SLC24A2: variants seen among roughly 807,000 people sequenced by gnomAD.
SLC24A2 encodes the protein solute carrier family 24 member 2, also known as sodium/potassium/calcium exchanger 2.
SLC24A2 carries 36 observed loss-of-function variants against 62.0 expected under a neutral mutation model. The observed-to-expected ratio is 0.58, with a 90% CI of 0.44 to 0.77. The LOEUF is 0.77. Among genes scored for constraint, SLC24A2 ranks in the 30% least tolerant of loss-of-function variants. The pLI, the probability that SLC24A2 is intolerant of heterozygous loss-of-function variation, is 0.00. For synonymous variants in SLC24A2, 358 were observed against 294.0 expected, an observed-to-expected ratio of 1.22 and a Z score of -2.23; for missense variants, 846 against 817.9, an observed-to-expected ratio of 1.03 and a Z score of -0.42.
At chr9:19,566,194 G>T (rs1835642022) in intron 7 of SLC24A2, among the ~76,000 whole-genome samples, 1 of 150,850 alleles carries the variant, frequency 6.6e-6, no homozygotes, top group South Asian at 2.1e-4. Flanking sequence ...CAGAATGGGA[G>T]AAAATTTTTG....
At chr9:19,744,321 C>T (rs1228024686) in intron 2 of SLC24A2, among the ~76,000 whole-genome samples, 1 of 152,200 alleles carries the variant, frequency 6.6e-6, no homozygotes, top group Non-Finnish European at 1.5e-5. Flanking sequence ...ACCTCTCGCA[C>T]TGTGTGCTTG....
chr9:19,608,702 C>T (rs995078528), intron 4 of SLC24A2, among the ~76,000 whole-genome samples: 2 of 151,852 alleles, frequency 1.3e-5, no homozygotes, highest in Non-Finnish European at 2.9e-5. Context: ...TACAAAAGTT[C>T]CACTTTCTTG....
chr9:19,715,589 C>T (rs1005338420), intron 2 of SLC24A2, among the ~76,000 whole-genome samples: 2 of 152,154 alleles, frequency 1.3e-5, no homozygotes, highest in African/African-American at 4.8e-5. Context: ...CAAGACCACT[C>T]CCTGTAGGCA....
chr9:19,735,395 T>G (rs1224103756), intron 2 of SLC24A2, among the ~76,000 whole-genome samples: 1 of 152,048 alleles, frequency 6.6e-6, no homozygotes, highest in Non-Finnish European at 1.5e-5. Flanking sequence ...AGGAACACTT[T>G]CACACTGTTG....
chr9:19,546,378 C>G (rs902317548), intron 8 of SLC24A2, among the ~76,000 whole-genome samples: 1 of 152,008 alleles, frequency 6.6e-6, no homozygotes. Flanking sequence ...TTCAGTGATG[C>G]CCTTGCCAGA....
the SLC24A2 span, among the ~76,000 whole-genome samples, chr9:20,209,492 C>G: frequency 6.6e-6 from 1 of 152,148 alleles, no homozygotes; most frequent in East Asian, 1.9e-4. Flanking sequence ...CCCGAATTTG[C>G]CAACTGCTTC....
the SLC24A2 span, among the ~76,000 whole-genome samples, chr9:20,247,044 G>A: frequency 3.3e-5 from 5 of 152,188 alleles, no homozygotes; most frequent in African/African-American, 1.2e-4. Context: ...TAACATGTGA[G>A]ACCACTTATA....
the SLC24A2 span, among the ~76,000 whole-genome samples, chr9:20,085,839 T>A: frequency 6.6e-6 from 1 of 152,238 alleles, no homozygotes. Flanking sequence ...AAAACCTGAC[T>A]TGTTCACTAC....
the SLC24A2 span, among the ~76,000 whole-genome samples, chr9:19,902,016 T>C: frequency 0.012 from 1,815 of 152,296 alleles, 16 homozygotes; most frequent in Non-Finnish European, 0.016. Context: ...AGTTAGAGCA[T>C]AGTTCATTCT....
At chr9:19,898,089 T>A in the SLC24A2 span, among the ~76,000 whole-genome samples, 5 of 152,288 alleles carry the variant, frequency 3.3e-5, no homozygotes, top group South Asian at 4.1e-4. Context: ...CAGAGGGTCA[T>A]AGAATAATCC....
At chr9:20,096,457 G>A in the SLC24A2 span, among the ~76,000 whole-genome samples, 5 of 151,746 alleles carry the variant, frequency 3.3e-5, no homozygotes, top group African/African-American at 4.8e-5. Flanking sequence ...TCCTGTCATC[G>A]GTTTTTTCTT....
At chr9:20,033,167 T>C in the SLC24A2 span, among the ~76,000 whole-genome samples, 1 of 152,192 alleles carries the variant, frequency 6.6e-6, no homozygotes, top group Non-Finnish European at 1.5e-5. Context: ...TGTGGCTTTC[T>C]AGGTTAAAAA....
intron 9 of SLC24A2, 76 bp from the exon 10 acceptor site, chr9:19,521,136 G>T (rs907212741): frequency 2.2e-6 from 3 of 1,349,482 alleles, no homozygotes; most frequent in Non-Finnish European, 3.2e-6. Flanking sequence ...ATTTCAATGC[G>T]ACCTCCTTTT....
At chr9:20,298,371 G>A in the SLC24A2 span, among the ~76,000 whole-genome samples, 1 of 152,154 alleles carries the variant, frequency 6.6e-6, no homozygotes, top group Non-Finnish European at 1.5e-5. Flanking sequence ...CAGGATTACA[G>A]GCACGCGCCA....
the SLC24A2 span, among the ~76,000 whole-genome samples, chr9:20,008,119 C>A: frequency 6.6e-6 from 1 of 151,800 alleles, no homozygotes; most frequent in East Asian, 1.9e-4. Flanking sequence ...TGGTCTTGAA[C>A]TCCTGACCTC....
chr9:19,646,243 A>G (rs1266466853), intron 2 of SLC24A2, among the ~76,000 whole-genome samples: 2 of 152,196 alleles, frequency 1.3e-5, no homozygotes, highest in Non-Finnish European at 2.9e-5. Context: ...CTCACAAACT[A>G]AAATATAAGC....
chr9:20,183,874 T>G, the SLC24A2 span, among the ~76,000 whole-genome samples: 1 of 152,164 alleles, frequency 6.6e-6, no homozygotes, highest in Non-Finnish European at 1.5e-5. Context: ...TTGTATCACC[T>G]GCATCAGAAT....
chr9:19,788,982 C>A lies in SLC24A2; in HGVS notation c.-251G>T. 1 of 979,818 alleles carries A rather than the reference C, an allele frequency of 1.0e-6. No homozygotes were observed. Among genetic ancestry groups the A allele is most frequent in the Non-Finnish European group, 1.2e-6 (1 of 824,814 alleles). The allele number at this position is 979,818 out of a possible 1,614,324, so 60.7% of individuals were successfully genotyped here. On this transcript the variant is annotated 5_prime_UTR_variant, in exon 1 of 11. Coordinates refer to ENST00000341998, the MANE Select transcript of SLC24A2 (RefSeq NM_020344.4). ...CCGCCTACCCGCTCTGAGGCCCGGG[C>A]TCTGGCTCGCACTGGCTGCCGCTCT...
At chr9:19,606,942 G>A (rs1392243840) in intron 4 of SLC24A2, among the ~76,000 whole-genome samples, 2 of 152,172 alleles carry the variant, frequency 1.3e-5, no homozygotes, top group Non-Finnish European at 2.9e-5. Context: ...ATGTACACAT[G>A]AGTGTTGTGG....
Sources: allele counts gnomAD v4.1 joint callset (sites outside exome capture counted in the v4.1 genomes callset), GRCh38; gene constraint gnomAD v4.1.1; transcripts MANE v1.5; gene names NCBI Gene and HGNC (gene_info 2026-07-23, HGNC 2026-07-21).